Variants in GPR39 observed in about 807,000 individuals in gnomAD.
GPR39 encodes the protein zinc sensing receptor.
GPR39 carries 23 observed loss-of-function variants against 18.4 expected under a neutral mutation model. The observed-to-expected ratio is 1.25, with a 90% confidence interval of 0.90 to 1.77. The LOEUF is 1.77. Ranked by LOEUF, GPR39 falls within the 40% of genes most tolerant of loss-of-function variation. The pLI is 0.00. For missense variants in GPR39, 647 were observed against 602.4 expected (o/e 1.07, Z -0.78); for synonymous variants, 280 against 257.9 (o/e 1.09, Z -0.82).
intron 1 of GPR39, among the ~76,000 whole-genome samples, chr2:132,600,350 C>A (rs1172044457): frequency 6.6e-6 from 1 of 151,330 alleles, no homozygotes; most frequent in African/African-American, 2.4e-5. Context: ...ACTAGAAAAG[C>A]AAAAACAAAA....
intron 1 of GPR39, among the ~76,000 whole-genome samples, chr2:132,522,104 G>A (rs756021158): frequency 9.2e-5 from 14 of 152,124 alleles, no homozygotes; most frequent in Admixed American, 3.3e-4. Flanking sequence ...TGGCCCCGCC[G>A]GCTGGGGGAT....
chr2:132,544,828 G>A (rs1369405160), intron 1 of GPR39, among the ~76,000 whole-genome samples: 1 of 152,164 alleles, frequency 6.6e-6, no homozygotes, highest in East Asian at 1.9e-4. Context: ...CTCCCCGTGT[G>A]GCTGGGTCCA....
At chr2:132,531,753 G>C (rs1204330542) in intron 1 of GPR39, among the ~76,000 whole-genome samples, 2 of 152,116 alleles carry the variant, frequency 1.3e-5, no homozygotes, top group African/African-American at 4.8e-5. Context: ...ATGACTACTG[G>C]GGACATAACA....
intron 1 of GPR39, 104 bp from the exon 2 acceptor site, chr2:132,644,997 C>CT: frequency 7.5e-7 from 1 of 1,329,364 alleles, no homozygotes; most frequent in Non-Finnish European, 1.0e-6. Context: ...GGCCAGTAAG[C>CT]ACAGAACAGA....
intron 1 of GPR39, among the ~76,000 whole-genome samples, chr2:132,493,606 G>A (rs138502080): frequency 7.1e-4 from 107 of 151,288 alleles, no homozygotes; most frequent in African/African-American, 2.3e-3. Flanking sequence ...AGTTCATGAT[G>A]AGTCTGCCAT....
chr2:132,433,437 A>G (rs1013172238), intron 1 of GPR39, among the ~76,000 whole-genome samples: 1 of 152,102 alleles, frequency 6.6e-6, no homozygotes, highest in Non-Finnish European at 1.5e-5. Context: ...AAAATATTGC[A>G]GTAAAAAAGT....
intron 1 of GPR39, chr2:132,489,232 C>G (rs552435514): frequency 5.2e-6 from 1 of 190,706 alleles, no homozygotes; most frequent in Non-Finnish European, 1.1e-5. Flanking sequence ...CTGTTTCTTA[C>G]GCTGAAATAT....
intron 1 of GPR39, among the ~76,000 whole-genome samples, chr2:132,557,573 G>A (rs1263724567): frequency 2.1e-5 from 3 of 140,070 alleles, no homozygotes; most frequent in African/African-American, 8.1e-5. Context: ...GGTAGTGTAA[G>A]ATTAGCTGAA....
chr2:132,621,537 G>C (rs1477055909), intron 1 of GPR39, among the ~76,000 whole-genome samples: 1 of 152,230 alleles, frequency 6.6e-6, no homozygotes, highest in Non-Finnish European at 1.5e-5. Context: ...CTCTGTGGGA[G>C]AGTCAGTGCC....
chr2:132,493,364 A>G (rs1029790426), intron 1 of GPR39, among the ~76,000 whole-genome samples: 12 of 145,072 alleles, frequency 8.3e-5, no homozygotes, highest in Non-Finnish European at 1.5e-4. Flanking sequence ...CCACATATAT[A>G]CACTATATAT....
chr2:132,633,924 A>G (rs938449929), intron 1 of GPR39, among the ~76,000 whole-genome samples: 7 of 143,522 alleles, frequency 4.9e-5, no homozygotes, highest in African/African-American at 2.1e-4. Context: ...GTGGTGTGGT[A>G]GCAGTGTTAT....
chr2:132,612,632 C>T (rs2104851581), intron 1 of GPR39, among the ~76,000 whole-genome samples: 1 of 152,262 alleles, frequency 6.6e-6, no homozygotes, highest in South Asian at 2.1e-4. Context: ...TGTCACTGTG[C>T]CATAAATCAG....
intron 1 of GPR39, among the ~76,000 whole-genome samples, chr2:132,610,225 T>C (rs1181640723): frequency 1.3e-5 from 2 of 152,146 alleles, no homozygotes; most frequent in African/African-American, 4.8e-5. Flanking sequence ...TTCTGGTGGT[T>C]TGTTCTTTTG....
In GPR39 at chr2:132,443,104, ATTT is replaced by A. The variant is rs1033345964; in HGVS notation, c.856+25210_856+25212del. Among the ~76,000 whole-genome samples the A allele has an allele frequency of 5.3e-4, 80 of 152,080 alleles. 1 individual carries two copies. The highest frequency in any genetic ancestry group is 1.9e-3 in the African/African-American group (77 of 41,432). ...CATTTTAAAATTTAATGTAATTTGA[ATTT>A]TTTATTACAAATGTTCAAATTTTAT... On this transcript the variant is annotated intron_variant, in intron 1 of 1. Transcript: ENST00000329321.
chr2:132,570,671 C>T (rs1180411482), intron 1 of GPR39, among the ~76,000 whole-genome samples: 1 of 152,206 alleles, frequency 6.6e-6, no homozygotes, highest in Non-Finnish European at 1.5e-5. Context: ...TCCGCTGCCC[C>T]TCCACTCCTC....
At chr2:132,430,909 TTC>T (rs1302366299) in intron 1 of GPR39, among the ~76,000 whole-genome samples, 2 of 152,212 alleles carry the variant, frequency 1.3e-5, no homozygotes. Context: ...CCAGATTCTA[TTC>T]TCTCTTATAT....
chr2:132,583,725 G>A (rs1374662027), intron 1 of GPR39, among the ~76,000 whole-genome samples: 2 of 151,438 alleles, frequency 1.3e-5, no homozygotes, highest in Non-Finnish European at 2.9e-5. Flanking sequence ...TTGGTGGCTG[G>A]AGGCGACTTG....
chr2:132,569,132 T>C (rs1288086202), intron 1 of GPR39, among the ~76,000 whole-genome samples: 1 of 152,138 alleles, frequency 6.6e-6, no homozygotes, highest in African/African-American at 2.4e-5. Flanking sequence ...TCTTAGTAAG[T>C]GGCAACTTTT....
At chr2:132,637,252 A>G (rs1425077690) in intron 1 of GPR39, among the ~76,000 whole-genome samples, 1 of 152,204 alleles carries the variant, frequency 6.6e-6, no homozygotes, top group Non-Finnish European at 1.5e-5. Flanking sequence ...TGTGTTTGTT[A>G]TGGTAGTGAT....
Sources: gnomAD v4.1 joint callset for allele counts (sites outside exome capture counted in the v4.1 genomes callset) on GRCh38, gnomAD v4.1.1 for gene constraint, MANE v1.5 for transcripts, NCBI Gene and HGNC (gene_info 2026-07-23, HGNC 2026-07-21) for gene names.